Variants in ZFPM1 observed in about 807,000 individuals in gnomAD.
ZFPM1 encodes zinc finger protein, FOG family member 1.
In ZFPM1, 28 loss-of-function variants were observed where a neutral mutation model predicts 46.3. The observed-to-expected ratio is 0.60, with a 90% confidence interval of 0.45 to 0.83. The LOEUF (loss-of-function observed/expected upper bound fraction) is 0.83. ZFPM1 is among the 40% of genes least tolerant of loss of function. The pLI, the probability that ZFPM1 is intolerant of heterozygous loss-of-function variation, is 0.00. For synonymous variants in ZFPM1, 957 were observed against 675.9 expected, an observed-to-expected ratio of 1.42 and a Z score of -6.45; for missense variants, 1,878 against 1,432.4, an observed-to-expected ratio of 1.31 and a Z score of -5.02.
rs1368641272 is a variant in ZFPM1 at position 88,485,944 on chromosome 16, C to T, written c.46C>T (p.Leu16Phe). Reference sequence around the variant, plus strand: ...CCATCGTCTTGTGTCCACAGGTTCCCTCGGAGACATGGAGGCCAGAGAGGA... The same window carrying T: ...CCATCGTCTTGTGTCCACAGGTTCCTTCGGAGACATGGAGGCCAGAGAGGA... ...QSNPRQIKRS[L>F]GDMEAREEVQ... The change falls in exon 2 of 10, where the codon CTC becomes TTC. Residue 16 changes from leucine (L) to phenylalanine (F), a missense_variant. Leu to Phe is a conservative substitution (Grantham distance 22). Coordinates refer to ENST00000319555, the MANE Select transcript of ZFPM1 (RefSeq NM_153813.3). 6.2e-7 allele frequency: 1 copy of T among 1,612,810 alleles called. No individual in the cohort carries two copies. Among genetic ancestry groups the T allele is most frequent in the Admixed American group, 1.7e-5 (1 of 60,010 alleles).
chr16:88,533,075 A>C, intron 9 of ZFPM1, 73 bp from the exon 10 acceptor site: 6 of 454,230 alleles, frequency 1.3e-5, no homozygotes, highest in South Asian at 1.1e-4. Context: ...CCCCTTCCGG[A>C]GCTCGCCCTC....
At position 88,533,240 on chromosome 16, in the gene ZFPM1, C is replaced by A. The variant is rs1304689258; in HGVS notation, c.1282C>A (p.Leu428Met). Reference protein sequence around the residue: ...LGLAPTPSPGLDRKALAEATN... With the variant: ...LGLAPTPSPGMDRKALAEATN... ...CCTGGCGCCCACCCCATCGCCAGGA[C>A]TGGACAGAAAGGCCCTGGCCGAGGC... is the stretch of plus-strand genomic sequence containing the variant. The change falls in exon 10 of 10, where the codon CTG (leucine) becomes ATG (methionine). Residue 428 changes from leucine to methionine, a missense_variant. Transcript: ENST00000319555. The A allele has an allele frequency of 6.4e-7, 1 of 1,562,720 alleles. No homozygotes were observed.
intron 1 of ZFPM1, among the ~76,000 whole-genome samples, chr16:88,458,838 G>T (rs1907673447): frequency 6.6e-6 from 1 of 152,202 alleles, no homozygotes; most frequent in Non-Finnish European, 1.5e-5. Context: ...ACTCAGGCAG[G>T]AGTGGCCCAG....
In ZFPM1 at chr16:88,477,745, C is replaced by T. The variant is rs74571346; in HGVS notation, c.41-8194C>T. Among the ~76,000 whole-genome samples, 555 of 152,370 alleles carry T rather than the reference C, an allele frequency of 3.6e-3. 4 individuals are homozygous for T. Among genetic ancestry groups the T allele is most frequent in the African/African-American group, 0.013 (541 of 41,594 alleles). On this transcript the variant is annotated intron_variant, in intron 1 of 9. Coordinates refer to ENST00000319555, the MANE Select transcript of ZFPM1 (RefSeq NM_153813.3). ...AACCAAGAGAATGCTTATGGGGATG[C>T]AGTTGGTTGTATGTGAATTCCATCT...
At chr16:88,530,920 G>C (rs1912738643) in intron 6 of ZFPM1, 1 of 152,306 alleles carries the variant, frequency 6.6e-6, no homozygotes, top group Non-Finnish European at 1.5e-5. Context: ...GGAGGAGGAA[G>C]AGCCACCTCA....
chr16:88,519,539 G>C (rs958750350), intron 4 of ZFPM1, among the ~76,000 whole-genome samples: 1 of 150,472 alleles, frequency 6.6e-6, no homozygotes, highest in Non-Finnish European at 1.5e-5. Context: ...TGAGTGGGTG[G>C]GTGGCTGAAA....
In ZFPM1 at chr16:88,514,383, G is replaced by T. The variant is rs1911154367; in HGVS notation, c.269-4G>T. ...CGCCTCATGCCTGCGATGTCTCTCTGCAGACGAGCTGGAGCCGGTGGTGCA... is the reference window on the plus strand; with the variant it reads ...CGCCTCATGCCTGCGATGTCTCTCTTCAGACGAGCTGGAGCCGGTGGTGCA... On this transcript the variant is annotated splice_region_variant and splice_polypyrimidine_tract_variant and intron_variant, in intron 3 of 9. Coordinates refer to ENST00000319555, the MANE Select transcript of ZFPM1 (RefSeq NM_153813.3). The T allele has an allele frequency of 6.4e-7, 1 of 1,563,996 alleles. No individual in the cohort carries two copies. The highest frequency in any genetic ancestry group is 2.4e-5 in the East Asian group (1 of 42,124).
chr16:88,522,458 G>A (rs146484512), intron 4 of ZFPM1, among the ~76,000 whole-genome samples: 1 of 152,220 alleles, frequency 6.6e-6, no homozygotes, highest in Non-Finnish European at 1.5e-5. Context: ...GCAGCCCCAC[G>A]GGGCTTCTGC....
chr16:88,522,589 G>C (rs1047104662), intron 4 of ZFPM1, among the ~76,000 whole-genome samples: 2 of 152,260 alleles, frequency 1.3e-5, no homozygotes, highest in African/African-American at 4.8e-5. Context: ...ATGCTGCACA[G>C]ATAGGGTTTC....
chr16:88,457,898 G>T (rs569969983), intron 1 of ZFPM1, among the ~76,000 whole-genome samples: 6 of 152,140 alleles, frequency 3.9e-5, no homozygotes, highest in Admixed American at 1.3e-4. Context: ...AGTCCACGCC[G>T]TCACCCAGCT....
Position 88,453,499 on chromosome 16 carries a change from TGG to T in ZFPM1, c.-136_-135del. On this transcript the variant is annotated 5_prime_UTR_variant, in exon 1 of 10. Transcript: ENST00000319555. The stretch of plus-strand genomic sequence containing the variant: ...CGGCTCCGGGGCTGGGCGCGCGGGC[TGG>T]GGGCGCGGGCCGGGGCGGCCGCGGA... The T allele has an allele frequency of 4.0e-6, 1 of 251,944 alleles. No individual in the cohort carries two copies. The highest frequency in any genetic ancestry group is 6.0e-6 in the Non-Finnish European group (1 of 167,570). 15.6% of individuals were successfully genotyped at this position (251,944 alleles called of 1,614,324 possible). A position where few individuals can be genotyped will look rare whatever the true frequency, so the allele number is the denominator to read the frequency against.
chr16:88,492,617 C>T lies in ZFPM1; in HGVS notation c.268+3464C>T, dbSNP rs137901508. Reference sequence around the variant, plus strand: ...ACAGGTATCCTGGGAAACCCCCCAACCCCGACCCCGGTTAGACCCATTTCC... The same window carrying T: ...ACAGGTATCCTGGGAAACCCCCCAATCCCGACCCCGGTTAGACCCATTTCC... On this transcript the variant is annotated intron_variant, in intron 3 of 9. Coordinates refer to ENST00000319555, the MANE Select transcript of ZFPM1 (RefSeq NM_153813.3). Among the ~76,000 whole-genome samples the T allele has an allele frequency of 1.9e-3, 282 of 152,348 alleles. 1 individual carries two copies. Among genetic ancestry groups the T allele is most frequent in the East Asian group, 0.016 (83 of 5,190 alleles).
intron 1 of ZFPM1, among the ~76,000 whole-genome samples, chr16:88,466,534 G>A (rs1169730850): frequency 1.3e-5 from 2 of 152,230 alleles, no homozygotes; most frequent in Non-Finnish European, 2.9e-5. Flanking sequence ...AGGGAGAAAG[G>A]CCAAGCACAG....
chr16:88,499,770 G>A lies in ZFPM1; in HGVS notation c.268+10617G>A, dbSNP rs544847860. On this transcript the variant is annotated intron_variant, in intron 3 of 9. Coordinates refer to ENST00000319555, the MANE Select transcript of ZFPM1 (RefSeq NM_153813.3). ...GCCACCCCACCCCCATGCTGGGGAG[G>A]GGCCGAGTGGGCACAGAGCCCACAG... Among the ~76,000 whole-genome samples the A allele has an allele frequency of 1.1e-4, 17 of 152,302 alleles. No individual in the cohort carries two copies. The East Asian group carries it at 3.3e-3, about 29-fold the overall frequency.
At chr16:88,493,623 AGAGCTGTCCCGGGGTGCGGT>A (rs543611945) in intron 3 of ZFPM1, among the ~76,000 whole-genome samples, 24,146 of 139,004 alleles carry the variant, frequency 0.17, 2,468 homozygotes, top group East Asian at 0.27. Flanking sequence ...CGGGGTACAG[AGAGCTGTCCCGGGGTGCGGT>A]GAGCTGTCCC....
chr16:88,508,202 T>A (rs1169236010), intron 3 of ZFPM1, among the ~76,000 whole-genome samples: 1 of 152,026 alleles, frequency 6.6e-6, no homozygotes, highest in African/African-American at 2.4e-5. Context: ...GAGGCTGAGA[T>A]GGGAGAATCG....
intron 3 of ZFPM1, among the ~76,000 whole-genome samples, chr16:88,492,161 C>T (rs1291370424): frequency 2.0e-5 from 3 of 151,952 alleles, no homozygotes; most frequent in Non-Finnish European, 2.9e-5. Flanking sequence ...TTCTCCTTCT[C>T]TCTTCCTCCC....
intron 1 of ZFPM1, among the ~76,000 whole-genome samples, chr16:88,472,153 G>A (rs1255995310): frequency 2.0e-5 from 3 of 152,102 alleles, no homozygotes; most frequent in Non-Finnish European, 4.4e-5. Flanking sequence ...GAACCCCAGC[G>A]AGCCCCAGCC....
intron 2 of ZFPM1, 85 bp from the exon 3 acceptor site, chr16:88,488,946 G>A (rs574190947): frequency 5.3e-5 from 80 of 1,520,474 alleles, no homozygotes; most frequent in South Asian, 1.9e-4. Context: ...GGCGCCCAGC[G>A]CCTCAGCATC....
Sources: allele counts gnomAD v4.1 joint callset (sites outside exome capture counted in the v4.1 genomes callset), GRCh38; gene constraint gnomAD v4.1.1; transcripts MANE v1.5; gene names NCBI Gene and HGNC (gene_info 2026-07-23, HGNC 2026-07-21).